RPS6KC1: variants seen among roughly 807,000 people sequenced by gnomAD.
The protein encoded by RPS6KC1 is ribosomal protein S6 kinase C1, also known as inactive ribosomal protein S6 kinase delta-1.
A neutral mutation model predicts 103.8 loss-of-function variants in RPS6KC1; 54 were observed. The observed-to-expected ratio is 0.52, with a 90% CI of 0.42 to 0.65. RPS6KC1 has a LOEUF of 0.65. RPS6KC1 is among the 30% of genes least tolerant of loss of function. The pLI, the probability that RPS6KC1 is intolerant of heterozygous loss-of-function variation, is 0.00. For missense variants in RPS6KC1, 1,151 were observed against 1,253.8 expected, an observed-to-expected ratio of 0.92 and a Z score of 1.24; for synonymous variants, 439 against 438.7, an observed-to-expected ratio of 1.00 and a Z score of -0.01.
chr1:213,679,307 G>T, the RPS6KC1 span, among the ~76,000 whole-genome samples: 1 of 152,178 alleles, frequency 6.6e-6, no homozygotes, highest in Non-Finnish European at 1.5e-5. Flanking sequence ...AATCCAGGAA[G>T]ATTAAAAACA....
the RPS6KC1 span, among the ~76,000 whole-genome samples, chr1:213,577,757 C>T: frequency 6.6e-6 from 1 of 152,148 alleles, no homozygotes; most frequent in African/African-American, 2.4e-5. Flanking sequence ...GGTGACTTGG[C>T]TGTTCTTAAA....
chr1:213,596,949 T>C, the RPS6KC1 span, among the ~76,000 whole-genome samples: 5 of 152,326 alleles, frequency 3.3e-5, no homozygotes, highest in East Asian at 9.7e-4. Flanking sequence ...ACGGAGTCAC[T>C]GTGACTGTGG....
intron 12 of RPS6KC1, among the ~76,000 whole-genome samples, chr1:213,244,607 T>G (rs1179869822): frequency 6.6e-6 from 1 of 152,202 alleles, no homozygotes; most frequent in Non-Finnish European, 1.5e-5. Context: ...CATAACATGT[T>G]GGTATCCTGA....
chr1:213,193,159 G>A (rs1489354610), intron 8 of RPS6KC1, among the ~76,000 whole-genome samples: 1 of 152,026 alleles, frequency 6.6e-6, no homozygotes, highest in South Asian at 2.1e-4. Context: ...CTGAGGCAAA[G>A]AATGTATTTT....
chr1:213,146,530 C>G (rs747070845), intron 6 of RPS6KC1, among the ~76,000 whole-genome samples: 6 of 151,284 alleles, frequency 4.0e-5, no homozygotes, highest in African/African-American at 1.5e-4. Context: ...TCAAACAGTT[C>G]TCCTGCTCAT....
the RPS6KC1 span, among the ~76,000 whole-genome samples, chr1:213,783,054 A>T: frequency 2.0e-5 from 3 of 152,202 alleles, no homozygotes; most frequent in African/African-American, 7.2e-5. Context: ...AGAGGTATGA[A>T]CAGGGCTGTT....
intron 4 of RPS6KC1, among the ~76,000 whole-genome samples, chr1:213,108,669 T>TA (rs1176796120): frequency 9.3e-5 from 14 of 150,874 alleles, no homozygotes; most frequent in Non-Finnish European, 1.9e-4. Flanking sequence ...TTTTTTTTTT[T>TA]AAAGAATTGG....
the RPS6KC1 span, among the ~76,000 whole-genome samples, chr1:213,770,549 A>G: frequency 6.6e-6 from 1 of 152,212 alleles, no homozygotes; most frequent in African/African-American, 2.4e-5. Flanking sequence ...GTCACAAGGT[A>G]TGTTATGCCC....
At chr1:213,261,792 A>G (rs2094803758) in intron 13 of RPS6KC1, 152 bp downstream of exon 13, 5 of 633,618 alleles carry the variant, frequency 7.9e-6, no homozygotes, top group Non-Finnish European at 1.1e-5. Flanking sequence ...AAGTTTATCA[A>G]GAGTCCAGAT....
At chr1:213,281,832 G>A in the RPS6KC1 span, among the ~76,000 whole-genome samples, 1,961 of 152,280 alleles carry the variant, frequency 0.013, 44 homozygotes, top group African/African-American at 0.045. Flanking sequence ...GCTGGGTTTA[G>A]AATGCTCCCG....
chr1:213,065,519 A>AT (rs1450665230), intron 1 of RPS6KC1, among the ~76,000 whole-genome samples: 1 of 152,090 alleles, frequency 6.6e-6, no homozygotes, highest in African/African-American at 2.4e-5. Flanking sequence ...TTACTCATGG[A>AT]TTTTTGCACT....
chr1:213,292,486 A>T, the RPS6KC1 span, among the ~76,000 whole-genome samples: 1 of 152,154 alleles, frequency 6.6e-6, no homozygotes. Flanking sequence ...AAGGTTGAGC[A>T]TCTGGGCCCC....
the RPS6KC1 span, among the ~76,000 whole-genome samples, chr1:213,554,640 T>C: frequency 6.6e-6 from 1 of 152,220 alleles, no homozygotes; most frequent in Non-Finnish European, 1.5e-5. Context: ...CCATGTTGCG[T>C]GTTGCACTTT....
In RPS6KC1 at chr1:213,249,885, C is replaced by T. The variant is rs184843890; in HGVS notation, c.2911+7227C>T. ...AATTCTTGGCTCTGGAGTGCCGAAT[C>T]AAGTGAAATTAAGGAGTTTTGACTT... On this transcript the variant is annotated intron_variant, in intron 12 of 14. Coordinates refer to ENST00000366960, the MANE Select transcript of RPS6KC1 (RefSeq NM_012424.6). Among the ~76,000 whole-genome samples, 63 of 152,266 alleles carry T rather than the reference C, an allele frequency of 4.1e-4. 1 individual carries two copies. The East Asian group carries it at 9.8e-3, about 24-fold the overall frequency.
At chr1:213,758,223 C>G in the RPS6KC1 span, among the ~76,000 whole-genome samples, 1 of 152,106 alleles carries the variant, frequency 6.6e-6, no homozygotes, top group Non-Finnish European at 1.5e-5. Context: ...TCTGATGGAT[C>G]TTGACAAAGT....
chr1:213,236,554 G>C (rs543569845), intron 10 of RPS6KC1, among the ~76,000 whole-genome samples: 1 of 152,228 alleles, frequency 6.6e-6, no homozygotes, highest in South Asian at 2.1e-4. Flanking sequence ...TTTTAATAAA[G>C]CCCTTTCTTA....
the RPS6KC1 span, among the ~76,000 whole-genome samples, chr1:213,323,032 G>T: frequency 7.5e-5 from 11 of 147,512 alleles, 1 homozygote; most frequent in African/African-American, 2.7e-4. Context: ...CCAAAGTGCT[G>T]GGATTACAGG....
At chr1:213,788,051 A>T in the RPS6KC1 span, among the ~76,000 whole-genome samples, 1 of 152,212 alleles carries the variant, frequency 6.6e-6, no homozygotes, top group Non-Finnish European at 1.5e-5. Flanking sequence ...GTGGAAACCA[A>T]GAAGCTATTT....
chr1:213,139,100 G>A (rs2086716514), intron 6 of RPS6KC1, among the ~76,000 whole-genome samples: 1 of 152,088 alleles, frequency 6.6e-6, no homozygotes, highest in African/African-American at 2.4e-5. Flanking sequence ...TTTCTCTACT[G>A]ATTAGTTATA....
Sources: gnomAD v4.1 joint callset for allele counts (sites outside exome capture counted in the v4.1 genomes callset) on GRCh38, gnomAD v4.1.1 for gene constraint, MANE v1.5 for transcripts, NCBI Gene and HGNC (gene_info 2026-07-23, HGNC 2026-07-21) for gene names.